The following TECRL variants were observed in gnomAD, a reference collection of about 807,000 sequenced individuals.
The protein encoded by TECRL is trans-2,3-enoyl-CoA reductase like.
In TECRL, 63 loss-of-function variants were observed where a neutral mutation model predicts 52.8. The observed-to-expected ratio is 1.19, with a 90% confidence interval of 0.97 to 1.47. The LOEUF (loss-of-function observed/expected upper bound fraction) is 1.47, where lower values mean the gene tolerates loss of function less well. TECRL is among the 40% of genes most tolerant of loss of function. The probability of loss-of-function intolerance (pLI) is 0.00; values close to 1 mark genes in which losing one functional copy is unlikely to be tolerated. For missense variants in TECRL, 482 were observed against 429.6 expected (o/e 1.12, Z -1.08); for synonymous variants, 164 against 141.9 (o/e 1.16, Z -1.10).
intron 2 of TECRL, among the ~76,000 whole-genome samples, chr4:64,365,687 T>C (rs1721545394): frequency 6.6e-6 from 1 of 151,744 alleles, no homozygotes; most frequent in South Asian, 2.1e-4. Context: ...GTAGATGATG[T>C]CTACAATAAG....
At chr4:64,346,695 C>A (rs1397249406) in intron 2 of TECRL, among the ~76,000 whole-genome samples, 2 of 152,228 alleles carry the variant, frequency 1.3e-5, no homozygotes, top group African/African-American at 4.8e-5. Flanking sequence ...AGACCTGTGA[C>A]AGAAGCTGCT....
intron 8 of TECRL, among the ~76,000 whole-genome samples, chr4:64,292,532 G>A (rs1465203528): frequency 6.6e-6 from 1 of 151,894 alleles, no homozygotes; most frequent in Non-Finnish European, 1.5e-5. Context: ...GTAAGAAGCA[G>A]CATCATTTTC....
intron 1 of TECRL, among the ~76,000 whole-genome samples, chr4:64,391,671 G>A (rs1002502023): frequency 2.8e-4 from 43 of 151,924 alleles, no homozygotes; most frequent in African/African-American, 8.4e-4. Context: ...CTAGTATATA[G>A]TAGGTACATT....
intron 1 of TECRL, among the ~76,000 whole-genome samples, chr4:64,403,124 T>C (rs562628619): frequency 3.3e-5 from 5 of 152,156 alleles, no homozygotes; most frequent in Non-Finnish European, 4.4e-5. Context: ...TCATCTTCTC[T>C]TTATTTAAAA....
At chr4:64,314,502 T>C in intron 5 of TECRL, 146 bp downstream of exon 5, 2 of 634,090 alleles carry the variant, frequency 3.2e-6, no homozygotes, top group Non-Finnish European at 5.5e-6. Context: ...TACATTTCCA[T>C]AAAATGATAT....
chr4:64,397,205 C>T (rs1370081604), intron 1 of TECRL, among the ~76,000 whole-genome samples: 1 of 151,950 alleles, frequency 6.6e-6, no homozygotes, highest in African/African-American at 2.4e-5. Context: ...ATTATATACC[C>T]AAACAGTAAA....
intron 2 of TECRL, among the ~76,000 whole-genome samples, chr4:64,373,975 T>C (rs887664700): frequency 7.2e-6 from 1 of 138,706 alleles, no homozygotes; most frequent in South Asian, 2.2e-4. Flanking sequence ...ATACAGTATA[T>C]AGTAGATATA....
At chr4:64,334,688 G>A (rs1025164387) in intron 2 of TECRL, among the ~76,000 whole-genome samples, 1 of 152,144 alleles carries the variant, frequency 6.6e-6, no homozygotes, top group Non-Finnish European at 1.5e-5. Context: ...CATGCTTCTG[G>A]AAATGGAAAA....
chr4:64,318,316 G>A (rs967777637), intron 4 of TECRL, among the ~76,000 whole-genome samples: 5 of 151,914 alleles, frequency 3.3e-5, no homozygotes, highest in African/African-American at 1.2e-4. Flanking sequence ...TGAAAGATAA[G>A]GTTGAGATTT....
At chr4:64,402,330 A>G (rs1211395264) in intron 1 of TECRL, among the ~76,000 whole-genome samples, 1 of 152,092 alleles carries the variant, frequency 6.6e-6, no homozygotes, top group Non-Finnish European at 1.5e-5. Flanking sequence ...AAAATAAACT[A>G]TTAGAAAAAA....
intron 9 of TECRL, among the ~76,000 whole-genome samples, chr4:64,288,683 A>G (rs756359511): frequency 1.4e-4 from 22 of 152,140 alleles, no homozygotes; most frequent in Non-Finnish European, 2.8e-4. Flanking sequence ...TCCCAAAAAA[A>G]GGTCATGGTC....
chr4:64,303,866 A>G (rs542543726), intron 7 of TECRL, among the ~76,000 whole-genome samples: 1 of 151,972 alleles, frequency 6.6e-6, no homozygotes, highest in Middle Eastern at 3.4e-3. Context: ...TCCACTTGTC[A>G]TAAGTATTAA....
In TECRL at chr4:64,318,575, AACAAGAATTGTTTAGAAAAGAC is replaced by A. The variant is rs1247625926; in HGVS notation, c.436-3834_436-3813del. On this transcript the variant is annotated intron_variant, in intron 4 of 11. Coordinates refer to ENST00000381210, the MANE Select transcript of TECRL (RefSeq NM_001010874.5). Reference sequence around the variant, plus strand: ...AGTCAAATTGCCGATAACAAAACCAAACAAGAATTGTTTAGAAAAGACACATTACTTTCAAAGGAGTAAAGCT... The same window carrying A: ...AGTCAAATTGCCGATAACAAAACCAAACATTACTTTCAAAGGAGTAAAGCT... Among the ~76,000 whole-genome samples, 3 of 152,050 alleles carry A rather than the reference AACAAGAATTGTTTAGAAAAGAC, an allele frequency of 2.0e-5. No homozygotes were observed. The East Asian group carries it at 5.8e-4, about 29-fold the overall frequency.
intron 2 of TECRL, among the ~76,000 whole-genome samples, chr4:64,368,108 C>T (rs1017976392): frequency 2.0e-5 from 3 of 152,000 alleles, no homozygotes; most frequent in African/African-American, 7.2e-5. Flanking sequence ...ACTAAAGTTC[C>T]TAGAAGGTTC....
intron 1 of TECRL, among the ~76,000 whole-genome samples, chr4:64,383,663 A>AT (rs1218667260): frequency 4.0e-5 from 6 of 151,756 alleles, no homozygotes; most frequent in African/African-American, 9.7e-5. Flanking sequence ...ATTTATTTGT[A>AT]TTTTTTGTGC....
At chr4:64,292,475 A>G (rs1023973780) in intron 8 of TECRL, among the ~76,000 whole-genome samples, 1 of 151,974 alleles carries the variant, frequency 6.6e-6, no homozygotes, top group African/African-American at 2.4e-5. Context: ...TACTAAGAAA[A>G]CATTGCCCAG....
intron 2 of TECRL, among the ~76,000 whole-genome samples, chr4:64,331,862 A>C (rs1718663097): frequency 6.6e-6 from 1 of 152,062 alleles, no homozygotes; most frequent in African/African-American, 2.4e-5. Flanking sequence ...AGATTAAAAG[A>C]AATAGGGACC....
chr4:64,318,430 T>C (rs1300162879), intron 4 of TECRL, among the ~76,000 whole-genome samples: 3 of 152,124 alleles, frequency 2.0e-5, no homozygotes, highest in East Asian at 3.9e-4. Context: ...GAATAGATAA[T>C]GGTAGCTAAT....
At position 64,279,879 on chromosome 4, in the gene TECRL, C is replaced by T. The variant is rs573002268; in HGVS notation, c.*193G>A. On this transcript the variant is annotated 3_prime_UTR_variant, in exon 12 of 12. Transcript: ENST00000381210. ...ATTCAGAGCTGTTCTTAGTTAATTG[C>T]ATTTATAATTTATACTTTTTATTAC... The T allele has an allele frequency of 2.7e-5, 31 of 1,136,310 alleles. No individual in the cohort carries two copies. The highest frequency in any genetic ancestry group is 1.6e-4 in the South Asian group (5 of 30,838). 70.4% of individuals were successfully genotyped at this position (1,136,310 alleles called of 1,614,324 possible).
Sources: allele counts gnomAD v4.1 joint callset (sites outside exome capture counted in the v4.1 genomes callset), GRCh38; gene constraint gnomAD v4.1.1; transcripts MANE v1.5; gene names NCBI Gene and HGNC (gene_info 2026-07-23, HGNC 2026-07-21).